GLIS3: variants seen among roughly 807,000 people sequenced by gnomAD.
GLIS3 encodes the protein zinc finger protein GLIS3.
In GLIS3, 53 loss-of-function variants were observed where a neutral mutation model predicts 78.6. The ratio of observed to expected loss-of-function variants is 0.67; its 90% CI spans 0.54 to 0.85. The LOEUF (loss-of-function observed/expected upper bound fraction) is 0.85. GLIS3 is among the 40% of genes least tolerant of loss of function. GLIS3 has a pLI of 0.00. For missense variants in GLIS3, 1,703 were observed against 1,231.1 expected, an observed-to-expected ratio of 1.38 and a Z score of -5.74; for synonymous variants, 684 against 509.9, an observed-to-expected ratio of 1.34 and a Z score of -4.60.
intron 2 of GLIS3, among the ~76,000 whole-genome samples, chr9:4,273,590 C>CATAAATAAATAAATAAATAAATAAATAA (rs60374376): frequency 6.9e-6 from 1 of 143,992 alleles, no homozygotes; most frequent in African/African-American, 2.6e-5. Flanking sequence ...AAGACCTTAT[C>CATAAATAAATAAATAAATAAATAAATAA]ATAAATAAAT....
At chr9:4,384,225 A>C in the GLIS3 span, among the ~76,000 whole-genome samples, 1 of 152,148 alleles carries the variant, frequency 6.6e-6, no homozygotes, top group Non-Finnish European at 1.5e-5. Flanking sequence ...GCTGGACCTT[A>C]TAAGGGGTTT....
chr9:3,952,902 G>C (rs945722339), intron 4 of GLIS3, among the ~76,000 whole-genome samples: 5 of 152,096 alleles, frequency 3.3e-5, no homozygotes, highest in African/African-American at 1.2e-4. Context: ...GTTTAGCAAG[G>C]TCCTGGGGGA....
chr9:4,109,076 A>G (rs576307081), intron 4 of GLIS3, among the ~76,000 whole-genome samples: 13 of 152,236 alleles, frequency 8.5e-5, no homozygotes, highest in Admixed American at 5.9e-4. Context: ...AATTGATTTA[A>G]TTTGTTCTCC....
the GLIS3 span, among the ~76,000 whole-genome samples, chr9:4,478,631 C>T: frequency 1.3e-5 from 2 of 151,792 alleles, no homozygotes; most frequent in South Asian, 4.2e-4. Context: ...TCAGTAGTCA[C>T]CTTTGGAAGT....
At chr9:4,267,146 C>G (rs1826090071) in intron 2 of GLIS3, among the ~76,000 whole-genome samples, 1 of 152,148 alleles carries the variant, frequency 6.6e-6, no homozygotes, top group Non-Finnish European at 1.5e-5. Flanking sequence ...CACCCCCACA[C>G]ACACCCATGT....
At position 3,977,188 on chromosome 9, in the gene GLIS3, G is replaced by C. The variant is rs1430694847; in HGVS notation, c.1711-39999C>G. The stretch of plus-strand genomic sequence containing the variant: ...AATGCTTACAACTCCCAAGCCGGGA[G>C]AAATATTGTCAGTTCAGATGACAAA... On this transcript the variant is annotated intron_variant, in intron 4 of 10. Coordinates refer to ENST00000381971, the MANE Select transcript of GLIS3 (RefSeq NM_001042413.2). This position sits in a 1 kb window ranked among gnomAD's most constrained non-coding sequence, Gnocchi z 4.1. 6.6e-6 allele frequency among the ~76,000 whole-genome samples: 1 copy of C among 152,132 alleles called. No individual in the cohort carries two copies. Among genetic ancestry groups the C allele is most frequent in the East Asian group, 1.9e-4 (1 of 5,196 alleles).
chr9:4,456,155 T>G, the GLIS3 span, among the ~76,000 whole-genome samples: 1 of 152,216 alleles, frequency 6.6e-6, no homozygotes, highest in Admixed American at 6.5e-5. Context: ...CTATTGTGCA[T>G]GCGATAGCAT....
At chr9:4,371,388 G>GC in the GLIS3 span, among the ~76,000 whole-genome samples, 4 of 152,176 alleles carry the variant, frequency 2.6e-5, no homozygotes, top group African/African-American at 9.7e-5. Flanking sequence ...GTCGTCCTAA[G>GC]CCCCAGGCTC....
At chr9:4,316,505 C>T (rs1817438397) in intron 2 of GLIS3, among the ~76,000 whole-genome samples, 2 of 152,186 alleles carry the variant, frequency 1.3e-5, no homozygotes, top group African/African-American at 4.8e-5. Flanking sequence ...AAATCAGTTC[C>T]TGGCCAGATT....
chr9:4,243,152 AC>A (rs1486739728), intron 2 of GLIS3, among the ~76,000 whole-genome samples: 1 of 152,158 alleles, frequency 6.6e-6, no homozygotes, highest in Admixed American at 6.5e-5. Context: ...GGAGACTGAC[AC>A]CTTAATCCGA....
At chr9:4,163,735 T>C (rs1835680751) in intron 2 of GLIS3, among the ~76,000 whole-genome samples, 2 of 152,242 alleles carry the variant, frequency 1.3e-5, no homozygotes, top group African/African-American at 4.8e-5. Context: ...GTATTTAGTA[T>C]CTCACAGGAT....
At chr9:3,858,641 T>C (rs1395205109) in intron 8 of GLIS3, among the ~76,000 whole-genome samples, 2 of 152,234 alleles carry the variant, frequency 1.3e-5, no homozygotes, top group African/African-American at 4.8e-5. Flanking sequence ...AAAGTATTAA[T>C]AGAAATTTAA....
intron 4 of GLIS3, among the ~76,000 whole-genome samples, chr9:4,026,814 T>C (rs896688255): frequency 1.3e-5 from 2 of 152,242 alleles, no homozygotes; most frequent in Non-Finnish European, 1.5e-5. Context: ...TAACTTCTAT[T>C]GGCCAAACAC....
the GLIS3 span, among the ~76,000 whole-genome samples, chr9:4,358,320 A>C: frequency 8.2e-6 from 1 of 121,996 alleles, no homozygotes; most frequent in African/African-American, 2.8e-5. Flanking sequence ...TCACTTTTGT[A>C]ATTTACAAAA....
At chr9:3,935,635 A>C (rs1018589753) in intron 5 of GLIS3, among the ~76,000 whole-genome samples, 1 of 152,236 alleles carries the variant, frequency 6.6e-6, no homozygotes, top group Non-Finnish European at 1.5e-5. Flanking sequence ...CTTCCATGAT[A>C]AAGGTTAATG....
chr9:4,289,430 G>T (rs1048859264), intron 1 of GLIS3, among the ~76,000 whole-genome samples: 3 of 152,122 alleles, frequency 2.0e-5, no homozygotes, highest in Non-Finnish European at 4.4e-5. Context: ...AAAAAGGCTT[G>T]CCCATCAGCG....
chr9:4,015,069 T>C (rs777324479), intron 4 of GLIS3, among the ~76,000 whole-genome samples: 22 of 152,318 alleles, frequency 1.4e-4, no homozygotes, highest in African/African-American at 2.2e-4. Context: ...GTGAAAGCTA[T>C]AGAGAAAACA....
intron 4 of GLIS3, among the ~76,000 whole-genome samples, chr9:4,047,689 A>G (rs1825366515): frequency 6.6e-6 from 1 of 152,216 alleles, no homozygotes; most frequent in Non-Finnish European, 1.5e-5. Flanking sequence ...TAACGATGTC[A>G]GTATGAAAAG....
At chr9:4,262,345 C>A (rs1825608182) in intron 2 of GLIS3, among the ~76,000 whole-genome samples, 2 of 152,114 alleles carry the variant, frequency 1.3e-5, no homozygotes, top group Non-Finnish European at 2.9e-5. Flanking sequence ...CACAGAAACA[C>A]TTGACAGAGT....
Sources: allele counts gnomAD v4.1 joint callset (sites outside exome capture counted in the v4.1 genomes callset), GRCh38; gene constraint gnomAD v4.1.1; non-coding constraint Gnocchi (gnomAD v3.1); transcripts MANE v1.5; gene names NCBI Gene and HGNC (gene_info 2026-07-23, HGNC 2026-07-21).